AFF4: variants seen among roughly 807,000 people sequenced by gnomAD.
AFF4 encodes the protein AF4/FMR2 family member 4.
AFF4 carries 13 observed loss-of-function variants against 124.8 expected under a neutral mutation model. The ratio of observed to expected loss-of-function variants is 0.10; its 90% CI spans 0.07 to 0.17. The LOEUF (loss-of-function observed/expected upper bound fraction) is 0.17. Among genes scored for constraint, AFF4 ranks in the 10% least tolerant of loss-of-function variants. The pLI is 1.00. For missense variants in AFF4, 1,092 were observed against 1,403.8 expected (o/e 0.78, Z 3.55); for synonymous variants, 477 against 496.1 (o/e 0.96, Z 0.51).
At chr5:132,904,857 T>G (rs1486356413) in intron 5 of AFF4, among the ~76,000 whole-genome samples, 1 of 152,086 alleles carries the variant, frequency 6.6e-6, no homozygotes, top group Non-Finnish European at 1.5e-5. Context: ...AAGACCATCC[T>G]GGCCAACATG....
intron 2 of AFF4, among the ~76,000 whole-genome samples, chr5:132,935,945 G>C (rs532046608): frequency 7.3e-5 from 11 of 151,000 alleles, no homozygotes; most frequent in Admixed American, 5.9e-4. Context: ...AAAAACTTTT[G>C]AAGAACAGAA....
chr5:132,936,050 G>A (rs1761421773), intron 2 of AFF4, among the ~76,000 whole-genome samples: 1 of 151,834 alleles, frequency 6.6e-6, no homozygotes, highest in Non-Finnish European at 1.5e-5. Flanking sequence ...GGCGGATCAT[G>A]AGGTCAAGAG....
intron 4 of AFF4, among the ~76,000 whole-genome samples, chr5:132,929,372 A>T (rs1761251712): frequency 6.6e-6 from 1 of 152,212 alleles, no homozygotes; most frequent in Admixed American, 6.5e-5. Flanking sequence ...GATGTCAATA[A>T]CATTAAAGAG....
rs568915565 is a variant in AFF4, at chr5:132,907,208, C to T, written c.1051-2804G>A. 2.0e-5 allele frequency among the ~76,000 whole-genome samples: 3 copies of T among 152,276 alleles called. No individual in the cohort carries two copies. The South Asian group carries it at 6.2e-4, about 32-fold the overall frequency. ...TACAATGGCCTTCTAATGGATCTTC[C>T]TAGCTCTAGTTTATCTCCTTTACTC... is the stretch of plus-strand genomic sequence containing the variant. On this transcript the variant is annotated intron_variant, in intron 5 of 20. Coordinates refer to ENST00000265343, the MANE Select transcript of AFF4 (RefSeq NM_014423.4).
Position 132,963,545 on chromosome 5 carries a change from G to T in AFF4, c.-291C>A, listed in dbSNP as rs2150119428. ...ACAGCTGACTGAGGCGGCGGGGGCG[G>T]GTTAACGAAGACCTGGCACCAGGAT... is the stretch of plus-strand genomic sequence containing the variant. On this transcript the variant is annotated 5_prime_UTR_variant, in exon 1 of 21. Transcript: ENST00000265343. 5.0e-6 allele frequency: 2 copies of T among 398,302 alleles called. No homozygotes were observed. The highest frequency in any genetic ancestry group is 7.1e-5 in the East Asian group (2 of 28,042). 24.7% of individuals were successfully genotyped at this position (398,302 alleles called of 1,614,324 possible). A position where few individuals can be genotyped will look rare whatever the true frequency, so the allele number is the denominator to read the frequency against.
chr5:132,961,703 A>G (rs1281361304), intron 1 of AFF4, among the ~76,000 whole-genome samples: 2 of 152,170 alleles, frequency 1.3e-5, no homozygotes, highest in African/African-American at 4.8e-5. Context: ...TCATGTTCCA[A>G]TTAACACAGC....
intron 2 of AFF4, among the ~76,000 whole-genome samples, chr5:132,936,670 G>A (rs1253760714): frequency 6.6e-6 from 1 of 152,118 alleles, no homozygotes; most frequent in Non-Finnish European, 1.5e-5. Context: ...TGAAGTACCC[G>A]CCGATGGTTA....
chr5:132,885,198 T>C, intron 18 of AFF4, 79 bp from the exon 19 acceptor site: 1 of 1,125,850 alleles, frequency 8.9e-7, no homozygotes, highest in East Asian at 2.5e-5. Context: ...TTTAAAAGCT[T>C]TGGGCAAGAG....
chr5:132,913,091 T>C (rs947978750), intron 5 of AFF4, among the ~76,000 whole-genome samples: 2 of 152,024 alleles, frequency 1.3e-5, no homozygotes, highest in African/African-American at 4.8e-5. Flanking sequence ...AAGCAAAAGG[T>C]TGGAAAAAAC....
At chr5:132,957,853 T>C (rs952883300) in intron 1 of AFF4, among the ~76,000 whole-genome samples, 3 of 152,160 alleles carry the variant, frequency 2.0e-5, no homozygotes, top group African/African-American at 4.8e-5. Flanking sequence ...AGAAGTATCA[T>C]AGGGCAAAGA....
At chr5:132,920,865 C>T (rs78954305) in intron 5 of AFF4, among the ~76,000 whole-genome samples, 2 of 152,076 alleles carry the variant, frequency 1.3e-5, no homozygotes, top group African/African-American at 2.4e-5. Flanking sequence ...CAGTGGCTCA[C>T]GCCTATAATC....
At chr5:132,907,477 C>T (rs958372105) in intron 5 of AFF4, among the ~76,000 whole-genome samples, 19 of 152,064 alleles carry the variant, frequency 1.2e-4, no homozygotes, top group African/African-American at 4.3e-4. Flanking sequence ...ATTTGAATGT[C>T]AATAATTACT....
chr5:132,902,544 G>A, intron 6 of AFF4, 57 bp from the exon 7 acceptor site: 1 of 1,284,658 alleles, frequency 7.8e-7, no homozygotes, highest in East Asian at 2.3e-5. Flanking sequence ...ACTGTAAAAT[G>A]TCTATGTAAA....
intron 15 of AFF4, 54 bp downstream of exon 15, chr5:132,888,043 A>AT: frequency 6.2e-7 from 1 of 1,606,592 alleles, no homozygotes; most frequent in Non-Finnish European, 8.5e-7. Flanking sequence ...ACATCAGAAG[A>AT]TTACTTAAGT....
Position 132,934,345 on chromosome 5 carries a change from G to A in AFF4, c.720C>T (p.Pro240=), listed in dbSNP as rs766365564. 6.2e-7 allele frequency: 1 copy of A among 1,614,178 alleles called. No individual in the cohort carries two copies. Among genetic ancestry groups the A allele is most frequent in the South Asian group, 1.1e-5 (1 of 91,086 alleles). The change falls in exon 3 of 21, where the codon CCC becomes CCT. Residue 240 remains proline, a synonymous_variant. Transcript: ENST00000265343. ...TTGAATTGGACTTTGACATCAATGAGGGTGGGAAAGATTGAGTTGAGTGCT... is the reference window on the plus strand; with the variant it reads ...TTGAATTGGACTTTGACATCAATGAAGGTGGGAAAGATTGAGTTGAGTGCT... ...SGQHSTQSFP[P]SLMSKSNSML...
intron 11 of AFF4, among the ~76,000 whole-genome samples, chr5:132,896,075 C>G (rs2150072108): frequency 6.6e-6 from 1 of 152,362 alleles, no homozygotes; most frequent in East Asian, 1.9e-4. Context: ...CACTGGCCAG[C>G]ACATGCTGAA....
chr5:132,932,895 T>C (rs1364137727), intron 3 of AFF4, among the ~76,000 whole-genome samples: 1 of 152,240 alleles, frequency 6.6e-6, no homozygotes, highest in Admixed American at 6.5e-5. Context: ...AATTACCATT[T>C]TACTGTTCTC....
intron 19 of AFF4, 137 bp downstream of exon 19, chr5:132,884,939 A>AT: frequency 3.5e-6 from 2 of 571,790 alleles, no homozygotes; most frequent in Non-Finnish European, 6.1e-6. Flanking sequence ...AGAAAAAATT[A>AT]TAACTTCTAA....
intron 5 of AFF4, among the ~76,000 whole-genome samples, chr5:132,911,018 A>G (rs887338297): frequency 1.3e-5 from 2 of 152,216 alleles, no homozygotes; most frequent in African/African-American, 4.8e-5. Context: ...CCAATGAAGT[A>G]GTGGTGTTCT....
Sources: gnomAD v4.1 joint callset for allele counts (sites outside exome capture counted in the v4.1 genomes callset) on GRCh38, gnomAD v4.1.1 for gene constraint, MANE v1.5 for transcripts, NCBI Gene and HGNC (gene_info 2026-07-23, HGNC 2026-07-21) for gene names.